DRAM2: variants seen among roughly 807,000 people sequenced by gnomAD.
The protein encoded by DRAM2 is DNA damage regulated autophagy modulator 2, also known as DNA damage-regulated autophagy modulator protein 2.
DRAM2 carries 26 observed loss-of-function variants against 33.5 expected under a neutral mutation model. The observed-to-expected ratio is 0.78, with a 90% CI of 0.57 to 1.08. The LOEUF is 1.08. DRAM2 is among the 50% of genes least tolerant of loss of function. The pLI is 0.00. For missense variants in DRAM2, 311 were observed against 318.1 expected (o/e 0.98, Z 0.17); for synonymous variants, 98 against 109.5 (o/e 0.89, Z 0.66).
intron 6 of DRAM2, among the ~76,000 whole-genome samples, chr1:111,123,842 G>A (rs1329999335): frequency 6.6e-6 from 1 of 152,032 alleles, no homozygotes; most frequent in Non-Finnish European, 1.5e-5. Flanking sequence ...CTTGCCATGT[G>A]AGCTCTGCAC....
At chr1:111,131,711 C>CG in intron 3 of DRAM2, 143 bp from the exon 4 acceptor site, 1 of 717,520 alleles carries the variant, frequency 1.4e-6, no homozygotes. Context: ...CCCCAATACT[C>CG]GCTCTCCTTC....
chr1:111,135,490 T>G (rs1004061701), intron 3 of DRAM2, among the ~76,000 whole-genome samples: 1 of 152,218 alleles, frequency 6.6e-6, no homozygotes, highest in African/African-American at 2.4e-5. Context: ...CTGTCTTTCG[T>G]AGAAGACCTG....
At chr1:111,130,190 G>T (rs1284621089) in intron 4 of DRAM2, among the ~76,000 whole-genome samples, 2 of 152,052 alleles carry the variant, frequency 1.3e-5, no homozygotes, top group Non-Finnish European at 2.9e-5. Context: ...TACTTAATAC[G>T]TCAAAAATAT....
At chr1:111,125,962 G>T (rs1449020784) in intron 5 of DRAM2, among the ~76,000 whole-genome samples, 2 of 152,074 alleles carry the variant, frequency 1.3e-5, no homozygotes, top group African/African-American at 4.8e-5. Context: ...AGTCCTCAAG[G>T]AATATCTGGT....
intron 6 of DRAM2, 61 bp from the exon 7 acceptor site, chr1:111,120,754 A>G: frequency 2.2e-6 from 3 of 1,394,748 alleles, no homozygotes; most frequent in East Asian, 2.6e-5. Context: ...TGGCAACACA[A>G]CATTTAAAAG....
At chr1:111,122,845 T>A (rs1007316281) in intron 6 of DRAM2, among the ~76,000 whole-genome samples, 6 of 152,072 alleles carry the variant, frequency 3.9e-5, no homozygotes, top group African/African-American at 1.4e-4. Flanking sequence ...AGTAATTTAG[T>A]CAAAATTACA....
At chr1:111,131,601 T>C in intron 3 of DRAM2, 33 bp from the exon 4 acceptor site, 1 of 1,608,050 alleles carries the variant, frequency 6.2e-7, no homozygotes, top group Non-Finnish European at 8.5e-7. Context: ...GAAAAGATAA[T>C]TCACAAGAGT....
intron 6 of DRAM2, chr1:111,122,708 G>A (rs1192728510): frequency 1.3e-5 from 2 of 151,312 alleles, no homozygotes; most frequent in African/African-American, 2.4e-5. Flanking sequence ...AGAAAGGAAA[G>A]AGAATTGTTT....
At chr1:111,124,051 T>C (rs1650540518) in intron 6 of DRAM2, among the ~76,000 whole-genome samples, 1 of 152,184 alleles carries the variant, frequency 6.6e-6, no homozygotes, top group Non-Finnish European at 1.5e-5. Flanking sequence ...AATCCCTTCT[T>C]AACCCTTACG....
At chr1:111,131,355 G>A in intron 4 of DRAM2, 69 bp downstream of exon 4, 2 of 1,432,176 alleles carry the variant, frequency 1.4e-6, no homozygotes, top group East Asian at 2.3e-5. Flanking sequence ...GACATTAAAT[G>A]TTGACTTCAA....
At chr1:111,131,741 C>A (rs1652133944) in intron 3 of DRAM2, among the ~76,000 whole-genome samples, 173 bp from the exon 4 acceptor site, 1 of 152,180 alleles carries the variant, frequency 6.6e-6, no homozygotes, top group Non-Finnish European at 1.5e-5. Flanking sequence ...GTGAGCGCAA[C>A]CAAGATTCAC....
chr1:111,126,337 T>G, intron 4 of DRAM2, 43 bp from the exon 5 acceptor site: 1 of 1,112,172 alleles, frequency 9.0e-7, no homozygotes, highest in Non-Finnish European at 1.4e-6. Flanking sequence ...TCATACTAGA[T>G]AAACACATAT....
chr1:111,133,296 G>C (rs1026537870), intron 3 of DRAM2, among the ~76,000 whole-genome samples: 2 of 151,336 alleles, frequency 1.3e-5, no homozygotes, highest in Non-Finnish European at 2.9e-5. Context: ...TCCTGCCTCA[G>C]CCTCCTGAGT....
rs779227254 is a variant in DRAM2, at chr1:111,124,826, C to T, written c.255G>A (p.Glu85=). The change falls in exon 6 of 10, where the codon GAG becomes GAA. Residue 85 remains glutamate (E), a synonymous_variant. Coordinates refer to ENST00000484310, the MANE Select transcript of DRAM2 (RefSeq NM_001349884.2). ...YKQVHALSPE[E]NVIIKLNKAG... is the part of the protein sequence containing the mutation. ...CCTTGTTTAATTTGATGATAACGTTCTCTTCAGGACTCAGAGCATGAACTT... is the reference window on the plus strand; with the variant it reads ...CCTTGTTTAATTTGATGATAACGTTTTCTTCAGGACTCAGAGCATGAACTT... 3 of 1,613,452 alleles carry T rather than the reference C, an allele frequency of 1.9e-6. No individual in the cohort carries two copies. Among genetic ancestry groups the T allele is most frequent in the Non-Finnish European group, 2.5e-6 (3 of 1,179,676 alleles).
chr1:111,120,683 A>C lies in DRAM2; in HGVS notation c.350T>G (p.Leu117Arg). 6.5e-7 allele frequency: 1 copy of C among 1,542,202 alleles called. No homozygotes were observed. The highest frequency in any genetic ancestry group is 8.7e-7 in the Non-Finnish European group (1 of 1,143,264). Residue 117 changes from leucine to arginine, a missense_variant, in exon 7 of 10, where the codon CTT (leucine) becomes CGT (arginine). Physicochemically the swap from Leu to Arg is moderately radical, Grantham distance 102 (BLOSUM62 -2). Coordinates refer to ENST00000484310, the MANE Select transcript of DRAM2 (RefSeq NM_001349884.2). ...SIVANFQKTT[L>R]FAAHVSGAVL... ...AGCTCCACTTACATGTGCAGCAAAA[A>C]GGGTTGTTTTCTGAGAGATAGAGAG...
Position 111,118,886 on chromosome 1 carries a change from A to C in DRAM2, c.612T>G (p.Leu204=), listed in dbSNP as rs2101005574. Residue 204 remains leucine, a synonymous_variant, in exon 9 of 10, where the codon CTT becomes CTG. Coordinates refer to ENST00000484310, the MANE Select transcript of DRAM2 (RefSeq NM_001349884.2). ...HWNPEDKGYV[L]HMITTAAEWS... is the part of the protein sequence containing the mutation. ...ATTCTGCTGCAGTAGTGATCATGTG[A>C]AGCACATAACCCTGAGTGATGGGAA... The C allele has an allele frequency of 6.2e-7, 1 of 1,608,510 alleles. No individual in the cohort carries two copies. Among genetic ancestry groups the C allele is most frequent in the Non-Finnish European group, 8.5e-7 (1 of 1,176,642 alleles).
At position 111,131,550 on chromosome 1, in the gene DRAM2, C is replaced by T. The variant is rs1652081123; in HGVS notation, c.5G>A (p.Trp2Ter). The change falls in exon 4 of 10, where the codon TGG becomes TAG. Residue 2 changes from tryptophan to a stop codon, truncating the protein, a stop_gained. Transcript: ENST00000484310. LOFTEE classifies it high-confidence loss of function. ...GAAACTGAGGCCTTGCTGAAACCAC[C>T]ACATTTCTAACAGGTTTTCTGAAAT... M[W>*]WFQQGLSFLP... 1 of 1,613,396 alleles carries T rather than the reference C, an allele frequency of 6.2e-7. No homozygotes were observed. Among genetic ancestry groups the T allele is most frequent in the South Asian group, 1.1e-5 (1 of 91,060 alleles).
intron 6 of DRAM2, 39 bp from the exon 7 acceptor site, chr1:111,120,732 C>T: frequency 6.9e-7 from 1 of 1,442,450 alleles, no homozygotes; most frequent in South Asian, 1.6e-5. Context: ...ATAAAAGAAA[C>T]TCAGAACACA....
chr1:111,130,432 A>G (rs977774382), intron 4 of DRAM2, among the ~76,000 whole-genome samples: 4 of 152,212 alleles, frequency 2.6e-5, no homozygotes, highest in South Asian at 2.1e-4. Context: ...GAGGCTGGGC[A>G]CAGTGGCTCA....
Sources: gnomAD v4.1 joint callset for allele counts (sites outside exome capture counted in the v4.1 genomes callset) on GRCh38, gnomAD v4.1.1 for gene constraint, MANE v1.5 for transcripts, NCBI Gene and HGNC (gene_info 2026-07-23, HGNC 2026-07-21) for gene names.